Variants in HAUS6 observed in about 807,000 individuals in gnomAD.
HAUS6 encodes HAUS augmin-like complex subunit 6.
In HAUS6, 80 loss-of-function variants were observed where a neutral mutation model predicts 106.8. The ratio of observed to expected loss-of-function variants is 0.75; its 90% CI spans 0.63 to 0.90. HAUS6 has a LOEUF of 0.90. HAUS6 is among the 40% of genes least tolerant of loss of function. The probability of loss-of-function intolerance (pLI) is 0.00; values close to 1 mark genes in which losing one functional copy is unlikely to be tolerated. For missense variants in HAUS6, 1,155 were observed against 1,118.1 expected (o/e 1.03, Z -0.47); for synonymous variants, 356 against 379.1 (o/e 0.94, Z 0.71).
intron 1 of HAUS6, among the ~76,000 whole-genome samples, chr9:19,099,925 G>T (rs1409592526): frequency 6.6e-6 from 1 of 152,224 alleles, no homozygotes; most frequent in East Asian, 1.9e-4. Flanking sequence ...CAGGTGTGGT[G>T]GCTCAGGCCT....
rs1443376934 is a variant in HAUS6, at chr9:19,060,130, A to C, written c.1723T>G (p.Phe575Val). 11 of 1,606,926 alleles carry C rather than the reference A, an allele frequency of 6.8e-6. No homozygotes were observed. Among genetic ancestry groups the C allele is most frequent in the Admixed American group, 1.7e-5 (1 of 59,176 alleles). ...ELIDSLGSNP[F>V]LTRNQIPRTP... Reference sequence around the variant, plus strand: ...CGGGGAATCTGATTCCTTGTTAAGAAGGGGTTAGAACCCAGAGAGTCAATT... The same window carrying C: ...CGGGGAATCTGATTCCTTGTTAAGACGGGGTTAGAACCCAGAGAGTCAATT... Residue 575 changes from phenylalanine (F) to valine (V), a missense_variant, in exon 15 of 17, where the codon TTC becomes GTC. By Grantham distance (50) the Phe-to-Val change is conservative (BLOSUM62 -1). This residue lies in a region of HAUS6 where 761 missense variants were observed against 690.0 expected (regional missense o/e 1.10). Transcript: ENST00000380502.
intron 6 of HAUS6, 103 bp from the exon 7 acceptor site, chr9:19,086,885 C>T (rs1253167671): frequency 1.6e-6 from 1 of 640,102 alleles, no homozygotes; most frequent in Non-Finnish European, 2.8e-6. Context: ...AACAACCACC[C>T]CAACAAAAAA....
chr9:19,100,222 C>T (rs932681529), intron 1 of HAUS6, among the ~76,000 whole-genome samples: 4 of 151,960 alleles, frequency 2.6e-5, no homozygotes, highest in African/African-American at 7.3e-5. Flanking sequence ...ACTAGCCAGG[C>T]GTGGCAGCAG....
chr9:19,096,579 A>C, intron 2 of HAUS6, 95 bp downstream of exon 2: 3 of 538,182 alleles, frequency 5.6e-6, no homozygotes, highest in East Asian at 7.4e-5. Context: ...AAAAAAAAAA[A>C]AAAAAAAAAA....
chr9:19,092,740 A>G (rs1003627763), intron 4 of HAUS6, among the ~76,000 whole-genome samples: 4 of 151,686 alleles, frequency 2.6e-5, no homozygotes, highest in African/African-American at 9.7e-5. Flanking sequence ...CCTGGCTAAC[A>G]TGGTAAAACT....
chr9:19,094,143 G>A (rs955932206), intron 3 of HAUS6, among the ~76,000 whole-genome samples, 174 bp downstream of exon 3: 2 of 152,118 alleles, frequency 1.3e-5, no homozygotes, highest in African/African-American at 2.4e-5. Context: ...TGGTTTCTTC[G>A]AAATATATAG....
chr9:19,086,319 G>C (rs1182856686), intron 7 of HAUS6, among the ~76,000 whole-genome samples: 1 of 132,012 alleles, frequency 7.6e-6, no homozygotes, highest in East Asian at 2.3e-4. Flanking sequence ...AAGGGGGAGG[G>C]GAGGGGGAAG....
intron 14 of HAUS6, among the ~76,000 whole-genome samples, chr9:19,060,475 A>G (rs1836587661): frequency 6.6e-6 from 1 of 152,268 alleles, no homozygotes; most frequent in East Asian, 1.9e-4. Context: ...GAGAGAATAG[A>G]TAAGAATCTT....
intron 4 of HAUS6, among the ~76,000 whole-genome samples, chr9:19,092,694 T>G (rs1285401670): frequency 7.2e-6 from 1 of 138,138 alleles, no homozygotes; most frequent in African/African-American, 2.7e-5. Flanking sequence ...GAGGCCCAGG[T>G]GGGCAGATAA....
intron 6 of HAUS6, 107 bp downstream of exon 6, chr9:19,086,984 T>C (rs1235659065): frequency 3.0e-6 from 2 of 673,166 alleles, no homozygotes; most frequent in African/African-American, 1.8e-5. Context: ...CATCTGGCTA[T>C]TGATATATTA....
chr9:19,091,863 T>C (rs1817757620), intron 4 of HAUS6, among the ~76,000 whole-genome samples: 1 of 152,152 alleles, frequency 6.6e-6, no homozygotes, highest in South Asian at 2.1e-4. Context: ...GGTTTCACCA[T>C]GTTGGCCAGG....
chr9:19,080,199 A>AAC (rs57450866), intron 9 of HAUS6, among the ~76,000 whole-genome samples: 14 of 150,528 alleles, frequency 9.3e-5, no homozygotes, highest in African/African-American at 3.4e-4. Context: ...AAAAAAAAAA[A>AAC]CTTTCCTAAG....
chr9:19,054,603 A>G lies in HAUS6; in HGVS notation c.*1740T>C, dbSNP rs1797392543. 1 of 152,214 alleles carries G rather than the reference A, an allele frequency of 6.6e-6. No individual in the cohort carries two copies. Among genetic ancestry groups the G allele is most frequent in the South Asian group, 2.1e-4 (1 of 4,824 alleles). The allele number at this position is 152,214 out of a possible 1,614,324, so 9.4% of individuals were successfully genotyped here. A position where few individuals can be genotyped will look rare whatever the true frequency, so the allele number is the denominator to read the frequency against. ...CATTCTGCTCTTTTGATTCTCAGTAATTAAGGGTTTCTCAGACTTGGGTGG... is the reference window on the plus strand; with the variant it reads ...CATTCTGCTCTTTTGATTCTCAGTAGTTAAGGGTTTCTCAGACTTGGGTGG... On this transcript the variant is annotated 3_prime_UTR_variant, in exon 17 of 17. Transcript: ENST00000380502.
chr9:19,091,199 C>T (rs370003419), intron 4 of HAUS6, among the ~76,000 whole-genome samples: 6 of 151,844 alleles, frequency 4.0e-5, no homozygotes, highest in African/African-American at 1.5e-4. Context: ...ACTCGGAAGG[C>T]TGAAGCAGTA....
chr9:19,059,071 T>C, intron 15 of HAUS6, 70 bp from the exon 16 acceptor site: 1 of 814,002 alleles, frequency 1.2e-6, no homozygotes, highest in East Asian at 2.5e-5. Flanking sequence ...AATCATTTTA[T>C]TTCTAACACT....
At chr9:19,065,265 C>A (rs747536031) in intron 12 of HAUS6, among the ~76,000 whole-genome samples, 1 of 152,208 alleles carries the variant, frequency 6.6e-6, no homozygotes, top group Admixed American at 6.5e-5. Context: ...AGTCTTTATA[C>A]TTCGTCCATT....
At chr9:19,101,171 A>T (rs183215444) in intron 1 of HAUS6, among the ~76,000 whole-genome samples, 104 of 152,362 alleles carry the variant, frequency 6.8e-4, no homozygotes, top group African/African-American at 2.4e-3. Flanking sequence ...TATACATTGT[A>T]TAAGTGTATC....
chr9:19,083,048 G>A lies in HAUS6; in HGVS notation c.700-5C>T, dbSNP rs764935916. The A allele has an allele frequency of 2.4e-5, 38 of 1,561,974 alleles. No individual in the cohort carries two copies. Among genetic ancestry groups the A allele is most frequent in the Non-Finnish European group, 3.1e-5 (36 of 1,156,668 alleles). On this transcript the variant is annotated splice_polypyrimidine_tract_variant and splice_region_variant and intron_variant, in intron 7 of 16. Transcript: ENST00000380502. ...TGAAGCCCACAAAGACCGAACCTTTGGAAACAGAAACAAAATATTAAAGTC... is the reference window on the plus strand; with the variant it reads ...TGAAGCCCACAAAGACCGAACCTTTAGAAACAGAAACAAAATATTAAAGTC...
At position 19,102,869 on chromosome 9, in the gene HAUS6, G is replaced by A. The variant is rs891493763; in HGVS notation, c.-218C>T. On this transcript the variant is annotated 5_prime_UTR_variant, in exon 1 of 17. Transcript: ENST00000380502. ...GTATAGTGCGGCCACCACTGCCTCA[G>A]CGAAGCCACCACAAACCGAGACTCC... is the stretch of plus-strand genomic sequence containing the variant. The A allele has an allele frequency of 2.3e-6, 1 of 430,774 alleles. No homozygotes were observed. The highest frequency in any genetic ancestry group is 4.3e-5 in the Admixed American group (1 of 23,218). The allele number at this position is 430,774 out of a possible 1,614,324, so 26.7% of individuals were successfully genotyped here.
Sources: gnomAD v4.1 joint callset for allele counts (sites outside exome capture counted in the v4.1 genomes callset) on GRCh38, gnomAD v4.1.1 for gene constraint, gnomAD v4.1.1 regional missense constraint, MANE v1.5 for transcripts, NCBI Gene and HGNC (gene_info 2026-07-23, HGNC 2026-07-21) for gene names.